C3orf20: variants seen among roughly 807,000 people sequenced by gnomAD.
The protein encoded by C3orf20 is family with sequence similarity 149 member C, also known as uncharacterized protein C3orf20.
Under a neutral mutation model 88.3 loss-of-function variants are expected in C3orf20, and 76 were observed. That is an observed-to-expected ratio of 0.86 (90% CI 0.72 to 1.04). C3orf20 has a LOEUF of 1.04. Among genes scored for constraint, C3orf20 ranks in the 50% least tolerant of loss-of-function variants. C3orf20 has a pLI of 0.00. For synonymous variants in C3orf20, 436 were observed against 437.4 expected, an observed-to-expected ratio of 1.00 and a Z score of 0.04; for missense variants, 1,056 against 1,123.3, an observed-to-expected ratio of 0.94 and a Z score of 0.86.
chr3:14,683,332 T>A, intron 3 of C3orf20, 135 bp downstream of exon 3: 1 of 1,133,822 alleles, frequency 8.8e-7, no homozygotes, highest in Non-Finnish European at 1.2e-6. Context: ...GCTCCTGGAA[T>A]CATCCTCTCA....
intron 12 of C3orf20, among the ~76,000 whole-genome samples, chr3:14,738,963 G>C (rs576781691): frequency 1.3e-5 from 2 of 149,638 alleles, no homozygotes; most frequent in South Asian, 2.1e-4. Flanking sequence ...GCCAATTTTT[G>C]TATTTTTAGT....
At chr3:14,760,131 C>T (rs1013796388) in intron 14 of C3orf20, 133 bp downstream of exon 14, 11 of 719,628 alleles carry the variant, frequency 1.5e-5, no homozygotes, top group African/African-American at 7.0e-5. Flanking sequence ...ATCTCCCCAC[C>T]GTGGCTGAGG....
intron 3 of C3orf20, among the ~76,000 whole-genome samples, 173 bp from the exon 4 acceptor site, chr3:14,684,069 C>T (rs1248264121): frequency 6.6e-6 from 1 of 152,102 alleles, no homozygotes; most frequent in Non-Finnish European, 1.5e-5. Flanking sequence ...AAAGCGACAT[C>T]TGAAGGGTCC....
At chr3:14,756,260 G>A (rs1387530825) in intron 12 of C3orf20, among the ~76,000 whole-genome samples, 2 of 151,554 alleles carry the variant, frequency 1.3e-5, no homozygotes, top group Non-Finnish European at 2.9e-5. Flanking sequence ...TTTGGATGGC[G>A]CTTATTCCCG....
At chr3:14,764,507 A>ATTATTATTATTATTG (rs1286567408) in intron 15 of C3orf20, among the ~76,000 whole-genome samples, 69 of 132,840 alleles carry the variant, frequency 5.2e-4, no homozygotes, top group Middle Eastern at 3.7e-3. Flanking sequence ...TATTATTATT[A>ATTATTATTATTATTG]TTGTTGTTGT....
rs1390113453 is a variant in C3orf20 at position 14,704,605 on chromosome 3, T to G, written c.1147T>G (p.Ser383Ala). The G allele has an allele frequency of 4.3e-6, 7 of 1,613,608 alleles. No homozygotes were observed. The East Asian group carries it at 1.6e-4, about 36-fold the overall frequency. Reference sequence around the variant, plus strand: ...GTTTCATTACACCTTCTATGATGGCTCCTCCTTCGTTTAGTATCCTTTTAT... The same window carrying G: ...GTTTCATTACACCTTCTATGATGGCGCCTCCTTCGTTTAGTATCCTTTTAT... ...FKFHYTFYDG[S>A]SFVYYPSGNV... The change falls in exon 7 of 17, where the codon TCC becomes GCC. Residue 383 changes from serine to alanine, a missense_variant. Coordinates refer to ENST00000253697, the MANE Select transcript of C3orf20 (RefSeq NM_032137.5).
At chr3:14,679,977 C>T (rs1200968478) in intron 1 of C3orf20, among the ~76,000 whole-genome samples, 1 of 152,178 alleles carries the variant, frequency 6.6e-6, no homozygotes, top group East Asian at 1.9e-4. Context: ...CATAATTTCA[C>T]ATCTACCAGG....
intron 13 of C3orf20, among the ~76,000 whole-genome samples, chr3:14,759,403 G>A (rs1247977001): frequency 2.6e-5 from 4 of 152,144 alleles, no homozygotes; most frequent in Non-Finnish European, 5.9e-5. Flanking sequence ...ACCTTGAGGT[G>A]TGGGTTCAGT....
At chr3:14,687,722 C>T (rs1264014760) in intron 4 of C3orf20, among the ~76,000 whole-genome samples, 1 of 152,204 alleles carries the variant, frequency 6.6e-6, no homozygotes, top group Admixed American at 6.5e-5. Flanking sequence ...ATGGTCCTCA[C>T]CACTAACACT....
chr3:14,683,001 TCCACCACCA>T lies in C3orf20; in HGVS notation c.292_300del (p.Pro98_Pro100del), dbSNP rs1575085913. ...TCCCCACACTGAAGAAGCCACTACC[TCCACCACCA>T]CCAGCACCACCACGTCCAGTGCTGC... On this transcript the variant is annotated inframe_deletion, in exon 3 of 17. Transcript: ENST00000253697. 3 of 1,613,368 alleles carry T rather than the reference TCCACCACCA, an allele frequency of 1.9e-6. No homozygotes were observed. The highest frequency in any genetic ancestry group is 2.2e-5 in the South Asian group (2 of 91,036).
intron 12 of C3orf20, among the ~76,000 whole-genome samples, chr3:14,741,324 C>G (rs1054743070): frequency 6.6e-6 from 1 of 152,164 alleles, no homozygotes; most frequent in African/African-American, 2.4e-5. Context: ...TCTCTAGCTT[C>G]GTGAACATGT....
intron 12 of C3orf20, among the ~76,000 whole-genome samples, chr3:14,745,458 CT>C (rs1285582298): frequency 6.6e-6 from 1 of 152,254 alleles, no homozygotes; most frequent in East Asian, 1.9e-4. Flanking sequence ...CTGAACTTTA[CT>C]TTTTCACAAT....
intron 7 of C3orf20, among the ~76,000 whole-genome samples, chr3:14,707,026 G>A (rs549851938): frequency 1.4e-4 from 21 of 152,170 alleles, no homozygotes; most frequent in East Asian, 1.2e-3. Context: ...AAGGCAGGCA[G>A]ATCACGAGGT....
intron 12 of C3orf20, among the ~76,000 whole-genome samples, chr3:14,747,457 T>A (rs773560154): frequency 5.3e-5 from 8 of 152,270 alleles, no homozygotes; most frequent in Admixed American, 3.9e-4. Flanking sequence ...TTATAGGTAT[T>A]TAGGAAAGAG....
intron 11 of C3orf20, 137 bp from the exon 12 acceptor site, chr3:14,728,302 G>A (rs1414933934): frequency 2.1e-6 from 2 of 960,210 alleles, no homozygotes; most frequent in East Asian, 4.9e-5. Context: ...CAGAGGGGAG[G>A]TGCCGGAGAA....
chr3:14,704,305 G>A, intron 6 of C3orf20, 32 bp from the exon 7 acceptor site: 1 of 1,609,812 alleles, frequency 6.2e-7, no homozygotes, highest in Non-Finnish European at 8.5e-7. Context: ...GAACCAAAAG[G>A]CTAGACAATA....
Position 14,684,509 on chromosome 3 carries a change from A to G in C3orf20, c.625+127A>G. 3.2e-6 allele frequency: 4 copies of G among 1,267,894 alleles called. No individual in the cohort carries two copies. In the South Asian group the frequency reaches 4.5e-5, roughly 14 times the overall value. 78.5% of individuals were successfully genotyped at this position (1,267,894 alleles called of 1,614,324 possible). On this transcript the variant is annotated intron_variant, in intron 4 of 16. Coordinates refer to ENST00000253697, the MANE Select transcript of C3orf20 (RefSeq NM_032137.5). Reference sequence around the variant, plus strand: ...AGAATTGAGGTGGATGTGGAGCAACAGGGATTTTCAAATGCTACAGGTGAG... The same window carrying G: ...AGAATTGAGGTGGATGTGGAGCAACGGGGATTTTCAAATGCTACAGGTGAG...
In C3orf20 at chr3:14,772,124, A is replaced by G; in HGVS notation, c.2553A>G (p.Ser851=). 1 of 1,614,250 alleles carries G rather than the reference A, an allele frequency of 6.2e-7. No homozygotes were observed. Among genetic ancestry groups the G allele is most frequent in the Non-Finnish European group, 8.5e-7 (1 of 1,180,046 alleles). The change falls in exon 16 of 17, where the codon TCA becomes TCG. Residue 851 remains serine, a synonymous_variant. Coordinates refer to ENST00000253697, the MANE Select transcript of C3orf20 (RefSeq NM_032137.5). The surrounding 1 kb of genome is among the most constrained non-coding windows in gnomAD (Gnocchi z 4.2). ...CTGAATCAGTCAAGAAAGCCGAGTC[A>G]GAAGATATCCAAGGAAGCAGCTCCT... ...EDSESVKKAE[S]EDIQGSSSSL...
intron 15 of C3orf20, among the ~76,000 whole-genome samples, chr3:14,770,275 G>C (rs184875740): frequency 2.0e-5 from 3 of 152,204 alleles, no homozygotes; most frequent in Non-Finnish European, 4.4e-5. Flanking sequence ...TTGGAGGTAA[G>C]GGGCTGCAAA....
Sources: allele counts gnomAD v4.1 joint callset (sites outside exome capture counted in the v4.1 genomes callset), GRCh38; gene constraint gnomAD v4.1.1; non-coding constraint Gnocchi (gnomAD v3.1); transcripts MANE v1.5; gene names NCBI Gene and HGNC (gene_info 2026-07-23, HGNC 2026-07-21).